DTNA: variants seen among roughly 807,000 people sequenced by gnomAD.
DTNA encodes the protein dystrobrevin alpha.
DTNA carries 43 observed loss-of-function variants against 100.7 expected under a neutral mutation model. The ratio of observed to expected loss-of-function variants is 0.43; its 90% confidence interval spans 0.33 to 0.55. The LOEUF is 0.55. Ranked by LOEUF, DTNA falls within the 20% of genes least tolerant of loss-of-function variation. The pLI is 0.04. For synonymous variants in DTNA, 349 were observed against 347.9 expected (o/e 1.00, Z -0.04); for missense variants, 798 against 953.9 (o/e 0.84, Z 2.15).
chr18:34,773,187 T>C (rs1255887176), intron 3 of DTNA, among the ~76,000 whole-genome samples: 1 of 152,228 alleles, frequency 6.6e-6, no homozygotes, highest in East Asian at 1.9e-4. Flanking sequence ...GGTCAGCTAA[T>C]TTGGGATCAT....
chr18:34,806,842 T>G (rs1014203661), intron 5 of DTNA, among the ~76,000 whole-genome samples: 2 of 152,170 alleles, frequency 1.3e-5, no homozygotes, highest in Non-Finnish European at 2.9e-5. Flanking sequence ...TAAAGTACAT[T>G]GAGTAATTGT....
At chr18:34,667,146 G>T (rs987772653) in intron 1 of DTNA, among the ~76,000 whole-genome samples, 1 of 152,140 alleles carries the variant, frequency 6.6e-6, no homozygotes, top group Non-Finnish European at 1.5e-5. Context: ...CACATCCCTT[G>T]TAAGATGGAT....
At chr18:34,846,197 C>T (rs1234500321) in intron 13 of DTNA, among the ~76,000 whole-genome samples, 1 of 152,014 alleles carries the variant, frequency 6.6e-6, no homozygotes, top group Non-Finnish European at 1.5e-5. Flanking sequence ...ACCCTACCAC[C>T]ACAGAACCAG....
intron 1 of DTNA, among the ~76,000 whole-genome samples, chr18:34,514,662 G>A (rs914374805): frequency 4.6e-5 from 7 of 152,082 alleles, no homozygotes; most frequent in Non-Finnish European, 5.9e-5. Flanking sequence ...CTAGAGGCTG[G>A]AAAGTCCAAG....
chr18:34,615,966 AT>A (rs1035553582), intron 1 of DTNA, among the ~76,000 whole-genome samples: 1 of 151,894 alleles, frequency 6.6e-6, no homozygotes, highest in African/African-American at 2.4e-5. Flanking sequence ...TATGTTCCAC[AT>A]TTTTTTTGTT....
At chr18:34,495,706 A>T (rs796432017) in intron 1 of DTNA, among the ~76,000 whole-genome samples, 50 of 152,324 alleles carry the variant, frequency 3.3e-4, no homozygotes, top group African/African-American at 1.2e-3. Flanking sequence ...AATTGTATGT[A>T]CTTTATACAG....
intron 1 of DTNA, among the ~76,000 whole-genome samples, chr18:34,639,629 C>CA (rs2059046093): frequency 6.6e-6 from 1 of 152,138 alleles, no homozygotes; most frequent in South Asian, 2.1e-4. Flanking sequence ...TCTCCTTCAG[C>CA]AAAAGGCTTT....
chr18:34,888,528 AT>A lies in DTNA; in HGVS notation c.*803del, dbSNP rs979432067. On this transcript the variant is annotated 3_prime_UTR_variant, in exon 23 of 23. Coordinates refer to ENST00000444659, the MANE Select transcript of DTNA (RefSeq NM_001386795.1). Reference sequence around the variant, plus strand: ...ATCAGCCATAGAATTTAGTGTAAATATTTTTTTTTCCAAATAGATATCATAT... The same window carrying A: ...ATCAGCCATAGAATTTAGTGTAAATATTTTTTTTCCAAATAGATATCATAT... The A allele has an allele frequency of 1.7e-4, 172 of 984,456 alleles. No homozygotes were observed. In the African/African-American group the frequency reaches 2.6e-3, roughly 15 times the overall value. 61.0% of individuals were successfully genotyped at this position (984,456 alleles called of 1,614,324 possible).
chr18:34,870,975 G>GT (rs1322084548), intron 17 of DTNA, among the ~76,000 whole-genome samples: 5 of 152,232 alleles, frequency 3.3e-5, no homozygotes. Context: ...TATCATCAGT[G>GT]TGATGATAGC....
chr18:34,676,090 C>T (rs918073138), intron 1 of DTNA, among the ~76,000 whole-genome samples: 1 of 152,204 alleles, frequency 6.6e-6, no homozygotes, highest in Non-Finnish European at 1.5e-5. Context: ...CCCACAGAAT[C>T]TGGGCTGAGA....
chr18:34,563,812 A>T (rs1053289673), intron 1 of DTNA, among the ~76,000 whole-genome samples: 1 of 152,192 alleles, frequency 6.6e-6, no homozygotes, highest in African/African-American at 2.4e-5. Flanking sequence ...CGGGGGAGAA[A>T]TTCCCCTGTT....
In DTNA at chr18:34,890,688, G is replaced by C. The variant is rs571937492; in HGVS notation, c.*2954G>C. ...TGTGGTTGGTCAGGACGGAAGTTGGGGTAAGTTTGGTTGGTCAGAGGGAGT... is the reference window on the plus strand; with the variant it reads ...TGTGGTTGGTCAGGACGGAAGTTGGCGTAAGTTTGGTTGGTCAGAGGGAGT... On this transcript the variant is annotated 3_prime_UTR_variant, in exon 23 of 23. Transcript: ENST00000444659. The C allele has an allele frequency of 3.3e-6, 2 of 606,390 alleles. No homozygotes were observed. 37.6% of individuals were successfully genotyped at this position (606,390 alleles called of 1,614,324 possible). A position where few individuals can be genotyped will look rare whatever the true frequency, so the allele number is the denominator to read the frequency against.
At chr18:34,755,748 C>T (rs1327695427) in intron 1 of DTNA, 1 of 504,312 alleles carries the variant, frequency 2.0e-6, no homozygotes, top group Non-Finnish European at 3.6e-6. Flanking sequence ...TTATGTTAGA[C>T]AATAAAAATT....
intron 1 of DTNA, among the ~76,000 whole-genome samples, chr18:34,591,616 C>G (rs2049734623): frequency 6.6e-6 from 1 of 152,176 alleles, no homozygotes; most frequent in Admixed American, 6.5e-5. Context: ...AACACAGTGA[C>G]AGAAATGTGT....
intron 1 of DTNA, among the ~76,000 whole-genome samples, chr18:34,545,430 T>A (rs980588412): frequency 6.6e-6 from 1 of 152,140 alleles, no homozygotes; most frequent in Admixed American, 6.6e-5. Context: ...TTCTCAGTTA[T>A]GTTTTTGTTA....
intron 3 of DTNA, among the ~76,000 whole-genome samples, chr18:34,779,054 T>C (rs1363850438): frequency 1.3e-5 from 2 of 152,066 alleles, no homozygotes; most frequent in Admixed American, 1.3e-4. Context: ...TTAAAAATCA[T>C]TCTGCAAATA....
chr18:34,740,870 T>A (rs1292761411), intron 1 of DTNA, among the ~76,000 whole-genome samples: 2 of 152,106 alleles, frequency 1.3e-5, no homozygotes, highest in East Asian at 3.9e-4. Context: ...AATATTTTGT[T>A]CATGTGCCAC....
chr18:34,567,281 A>C (rs996049702), intron 1 of DTNA, among the ~76,000 whole-genome samples: 2 of 152,112 alleles, frequency 1.3e-5, no homozygotes, highest in African/African-American at 4.8e-5. Flanking sequence ...TTATGAACTG[A>C]GATTATGGTA....
chr18:34,709,594 A>G (rs1028426477), upstream of DTNA: 4 of 152,310 alleles, frequency 2.6e-5, no homozygotes, highest in Non-Finnish European at 5.9e-5. Context: ...ATCGTTTCAA[A>G]TCCAAGACTG....
Sources: gnomAD v4.1 joint callset for allele counts (sites outside exome capture counted in the v4.1 genomes callset) on GRCh38, gnomAD v4.1.1 for gene constraint, MANE v1.5 for transcripts, NCBI Gene and HGNC (gene_info 2026-07-23, HGNC 2026-07-21) for gene names.